The following ASTN1 variants were observed in gnomAD, a reference collection of about 807,000 sequenced individuals.
ASTN1 encodes astrotactin 1.
Under a neutral mutation model 140.7 loss-of-function variants are expected in ASTN1, and 41 were observed. The ratio of observed to expected loss-of-function variants is 0.29; its 90% CI spans 0.23 to 0.38. The LOEUF (loss-of-function observed/expected upper bound fraction) is 0.38. Ranked by LOEUF, ASTN1 falls within the 10% of genes least tolerant of loss-of-function variation. The pLI is 1.00. For missense variants in ASTN1, 1,479 were observed against 1,678.8 expected (o/e 0.88, Z 2.08); for synonymous variants, 640 against 652.2 (o/e 0.98, Z 0.29).
intron 1 of ASTN1, among the ~76,000 whole-genome samples, chr1:177,142,142 G>A (rs12733741): frequency 0.069 from 10,426 of 152,114 alleles, 457 homozygotes; most frequent in Non-Finnish European, 0.1. Context: ...TCTGAAGATG[G>A]CTCCCTCTGG....
chr1:176,876,772 GT>G, intron 20 of ASTN1, 135 bp from the exon 21 acceptor site: 1 of 779,838 alleles, frequency 1.3e-6, no homozygotes, highest in Non-Finnish European at 2.1e-6. Context: ...CCTGGGTCAC[GT>G]TTACTGCCAC....
rs2103006552 is a variant in ASTN1 at position 176,863,083 on chromosome 1, A to G, written c.*1201T>C. The G allele has an allele frequency of 3.0e-6, 3 of 985,634 alleles. No homozygotes were observed. The highest frequency in any genetic ancestry group is 3.6e-6 in the Non-Finnish European group (3 of 829,844). 61.1% of individuals were successfully genotyped at this position (985,634 alleles called of 1,614,324 possible). On this transcript the variant is annotated 3_prime_UTR_variant, in exon 23 of 23. Coordinates refer to ENST00000361833, the MANE Select transcript of ASTN1 (RefSeq NM_004319.3). Reference sequence around the variant, plus strand: ...TTCATGACCATGCCAATGCTTGGGCAGTGGGATGGAAACAACACTCTAGAT... The same window carrying G: ...TTCATGACCATGCCAATGCTTGGGCGGTGGGATGGAAACAACACTCTAGAT...
At chr1:176,932,691 T>C (rs1215574119) in intron 16 of ASTN1, among the ~76,000 whole-genome samples, 2 of 152,192 alleles carry the variant, frequency 1.3e-5, no homozygotes, top group Non-Finnish European at 2.9e-5. Flanking sequence ...TCAAGATAAG[T>C]AGGGCATAAT....
At chr1:176,860,699 C>A (rs1208642327), downstream of ASTN1, among the ~76,000 whole-genome samples, 1 of 152,198 alleles carries the variant, frequency 6.6e-6, no homozygotes, top group Admixed American at 6.5e-5. Flanking sequence ...GTCCTCCTCA[C>A]CCTTGTGGTG....
chr1:177,072,339 A>T (rs540566198), intron 1 of ASTN1, among the ~76,000 whole-genome samples: 1 of 152,156 alleles, frequency 6.6e-6, no homozygotes, highest in East Asian at 1.9e-4. Context: ...ATTGTGACAG[A>T]CTCTCCTGAA....
intron 7 of ASTN1, among the ~76,000 whole-genome samples, chr1:177,017,681 G>C (rs1675627156): frequency 6.6e-6 from 1 of 152,292 alleles, no homozygotes; most frequent in South Asian, 2.1e-4. Context: ...TGGTACGGAG[G>C]AGAGCCCAGC....
At chr1:176,873,300 G>C (rs988074294) in intron 21 of ASTN1, among the ~76,000 whole-genome samples, 2 of 152,140 alleles carry the variant, frequency 1.3e-5, no homozygotes, top group Non-Finnish European at 2.9e-5. Context: ...CTGACCTAGA[G>C]TCTAGCCAAG....
intron 2 of ASTN1, among the ~76,000 whole-genome samples, chr1:177,053,015 C>T (rs1022292499): frequency 6.6e-6 from 1 of 152,174 alleles, no homozygotes; most frequent in African/African-American, 2.4e-5. Flanking sequence ...ATAGCTATTT[C>T]AAAAGGTTGC....
At position 176,946,120 on chromosome 1, in the gene ASTN1, C is replaced by T. The variant is rs1274485262; in HGVS notation, c.2055G>A (p.Gly685=). ...PTLYNILMFC[G]CIEDYKLGVD... ...CACCAAGCTTGTAGTCCTCGATGCA[C>T]CTAGCACAGAGGAGAGCTCAATATA... The change falls in exon 13 of 23, where the codon GGG becomes GGA. Residue 685 remains glycine (G), a splice_region_variant and synonymous_variant. Coordinates refer to ENST00000361833, the MANE Select transcript of ASTN1 (RefSeq NM_004319.3). 1.3e-6 allele frequency: 2 copies of T among 1,598,366 alleles called. No homozygotes were observed. Among genetic ancestry groups the T allele is most frequent in the Non-Finnish European group, 1.7e-6 (2 of 1,168,610 alleles).
At chr1:176,883,284 G>A (rs780713614) in intron 19 of ASTN1, among the ~76,000 whole-genome samples, 10 of 148,068 alleles carry the variant, frequency 6.8e-5, no homozygotes, top group Non-Finnish European at 8.9e-5. Context: ...CCAGGCTAGA[G>A]TGCAGTGGCG....
rs187771015 is a variant in ASTN1 at position 176,910,438 on chromosome 1, A to G, written c.2672-15608T>C. ...GGTAGAGCAAATACAAAGTTATTGAATGTCCACTCACAAGATACGATGCTG... is the reference window on the plus strand; with the variant it reads ...GGTAGAGCAAATACAAAGTTATTGAGTGTCCACTCACAAGATACGATGCTG... On this transcript the variant is annotated intron_variant, in intron 16 of 22. Coordinates refer to ENST00000361833, the MANE Select transcript of ASTN1 (RefSeq NM_004319.3). 2.0e-5 allele frequency among the ~76,000 whole-genome samples: 3 copies of G among 152,328 alleles called. No homozygotes were observed. In the East Asian group the frequency reaches 5.8e-4, roughly 29 times the overall value.
At chr1:176,881,085 C>T (rs909158233) in intron 20 of ASTN1, among the ~76,000 whole-genome samples, 1 of 152,152 alleles carries the variant, frequency 6.6e-6, no homozygotes, top group African/African-American at 2.4e-5. Context: ...TGTCCCTATC[C>T]CAAGGGCTGA....
Position 177,131,510 on chromosome 1 carries a change from C to T in ASTN1, c.283+32884G>A, listed in dbSNP as rs562003796. On this transcript the variant is annotated intron_variant, in intron 1 of 22. Coordinates refer to ENST00000361833, the MANE Select transcript of ASTN1 (RefSeq NM_004319.3). ...TAATAGTAAACCCATCTGCTGCCTT[C>T]CCAGAATTCATAAAATTACATTTTT... Among the ~76,000 whole-genome samples, 10 of 150,666 alleles carry T rather than the reference C, an allele frequency of 6.6e-5. No individual in the cohort carries two copies. The South Asian group carries it at 2.1e-3, about 31-fold the overall frequency.
chr1:176,883,496 G>T (rs1557933211), intron 19 of ASTN1, among the ~76,000 whole-genome samples: 1 of 152,130 alleles, frequency 6.6e-6, no homozygotes, highest in Non-Finnish European at 1.5e-5. Flanking sequence ...GCCTGGCCTG[G>T]GCGCTCCTTT....
intron 7 of ASTN1, among the ~76,000 whole-genome samples, chr1:177,018,099 G>C (rs962698954): frequency 1.3e-5 from 2 of 151,844 alleles, no homozygotes; most frequent in African/African-American, 4.8e-5. Flanking sequence ...TATCTGACTT[G>C]GGTATTATCT....
chr1:177,056,964 T>A (rs1677837401), intron 2 of ASTN1, among the ~76,000 whole-genome samples: 1 of 152,240 alleles, frequency 6.6e-6, no homozygotes, highest in South Asian at 2.1e-4. Flanking sequence ...CTTTCATTTG[T>A]TGAAGAGTTT....
intron 8 of ASTN1, among the ~76,000 whole-genome samples, chr1:177,008,344 T>C (rs919527674): frequency 1.3e-5 from 2 of 151,462 alleles, no homozygotes; most frequent in East Asian, 2.0e-4. Context: ...GGCATTTTCA[T>C]TGACTCCTAG....
chr1:177,005,847 G>A (rs1428068293), intron 8 of ASTN1, among the ~76,000 whole-genome samples: 4 of 152,166 alleles, frequency 2.6e-5, no homozygotes, highest in Non-Finnish European at 4.4e-5. Context: ...GATGTCAGGT[G>A]TTCCACTCGC....
At chr1:176,864,925 C>T (rs1447215411) in intron 22 of ASTN1, among the ~76,000 whole-genome samples, 1 of 152,178 alleles carries the variant, frequency 6.6e-6, no homozygotes, top group South Asian at 2.1e-4. Context: ...CTTTCCAATG[C>T]CGCTTCTGAA....
Sources: allele counts gnomAD v4.1 joint callset (sites outside exome capture counted in the v4.1 genomes callset), GRCh38; gene constraint gnomAD v4.1.1; transcripts MANE v1.5; gene names NCBI Gene and HGNC (gene_info 2026-07-23, HGNC 2026-07-21).